CCDC192: variants seen among roughly 807,000 people sequenced by gnomAD.
CCDC192 encodes the protein coiled-coil domain-containing protein 192.
intron 3 of CCDC192, among the ~76,000 whole-genome samples, chr5:127,792,940 C>A (rs1207498523): frequency 2.0e-5 from 3 of 152,012 alleles, no homozygotes; most frequent in Non-Finnish European, 2.9e-5. Context: ...TATAAGCTGG[C>A]AGATAAAACA....
intron 5 of CCDC192, among the ~76,000 whole-genome samples, chr5:127,860,608 TAAAG>T (rs893514173): frequency 6.6e-6 from 1 of 152,064 alleles, no homozygotes; most frequent in African/African-American, 2.4e-5. Flanking sequence ...CACCAAGAAA[TAAAG>T]AGAGCTATTG....
chr5:127,770,075 T>C (rs1020015282), intron 3 of CCDC192, among the ~76,000 whole-genome samples: 7 of 152,296 alleles, frequency 4.6e-5, no homozygotes, highest in Middle Eastern at 3.4e-3. Context: ...CCCAGTTAAA[T>C]GAACCAATTT....
chr5:127,916,043 G>A (rs541353804), intron 6 of CCDC192, among the ~76,000 whole-genome samples: 18 of 152,250 alleles, frequency 1.2e-4, no homozygotes, highest in African/African-American at 4.3e-4. Context: ...AATTGAAGTC[G>A]GTCCTCTCAG....
At chr5:127,915,288 A>T (rs1300654828) in intron 6 of CCDC192, among the ~76,000 whole-genome samples, 4 of 152,228 alleles carry the variant, frequency 2.6e-5, no homozygotes, top group Non-Finnish European at 5.9e-5. Context: ...AGTCTTCAGC[A>T]AGTCCTAATC....
At chr5:127,733,177 A>G (rs1752742144) in intron 2 of CCDC192, among the ~76,000 whole-genome samples, 1 of 152,150 alleles carries the variant, frequency 6.6e-6, no homozygotes, top group African/African-American at 2.4e-5. Context: ...AACAAGGAGT[A>G]ACCAGGCTAG....
intron 2 of CCDC192, among the ~76,000 whole-genome samples, chr5:127,734,347 T>C (rs1752837529): frequency 6.6e-6 from 1 of 152,044 alleles, no homozygotes; most frequent in Admixed American, 6.6e-5. Flanking sequence ...TTGGGTTGGT[T>C]CCAAGTCTTT....
rs528343190 is a variant in CCDC192 at position 127,888,524 on chromosome 5, G to T, written c.535+12863G>T. On this transcript the variant is annotated intron_variant, in intron 6 of 6. Transcript: ENST00000514853. ...ATCAGGACCATGCTCCTGAATACTA[G>T]ATCTAGTATCACTATACTTCTAATT... Among the ~76,000 whole-genome samples, 3 of 152,036 alleles carry T rather than the reference G, an allele frequency of 2.0e-5. No homozygotes were observed. In the South Asian group the frequency reaches 6.2e-4, roughly 32 times the overall value.
Position 127,703,501 on chromosome 5 carries a change from G to C in CCDC192, c.56G>C (p.Arg19Thr), listed in dbSNP as rs1750792134. The C allele has an allele frequency of 5.0e-6, 2 of 398,846 alleles. No individual in the cohort carries two copies. The highest frequency in any genetic ancestry group is 4.4e-6 in the Non-Finnish European group (1 of 226,032). The allele number at this position is 398,846 out of a possible 1,614,324, so 24.7% of individuals were successfully genotyped here. Residue 19 changes from arginine (R) to threonine (T), a missense_variant, in exon 1 of 7, where the codon AGA (arginine) becomes ACA (threonine). Physicochemically the swap from Arg to Thr is moderately conservative, Grantham distance 71. Transcript: ENST00000514853. ...GTCCCAGAGTCTGACACCTCAGAGA[G>C]AAGCAGGTGAGTTCCCAGCTCCTCT... is the stretch of plus-strand genomic sequence containing the variant. Reference protein sequence around the residue: ...SVVPESDTSERSSMTSGSSES... With the variant: ...SVVPESDTSETSSMTSGSSES...
intron 5 of CCDC192, among the ~76,000 whole-genome samples, chr5:127,874,640 T>C (rs1030313758): frequency 2.0e-5 from 3 of 152,194 alleles, no homozygotes; most frequent in Non-Finnish European, 4.4e-5. Flanking sequence ...AAGATTTATG[T>C]CTGATAAGAA....
At chr5:127,875,419 G>C in intron 5 of CCDC192, 119 bp from the exon 6 acceptor site, 1 of 389,668 alleles carries the variant, frequency 2.6e-6, no homozygotes. Flanking sequence ...AGATAAACAG[G>C]GAGTGTTTCA....
intron 6 of CCDC192, among the ~76,000 whole-genome samples, chr5:127,914,387 G>T (rs1753458440): frequency 6.6e-6 from 1 of 152,066 alleles, no homozygotes; most frequent in South Asian, 2.1e-4. Context: ...TATGGTCTGG[G>T]ACAATATTCT....
chr5:127,806,666 G>A (rs776790659), intron 5 of CCDC192, among the ~76,000 whole-genome samples: 5 of 152,016 alleles, frequency 3.3e-5, no homozygotes, highest in Non-Finnish European at 5.9e-5. Context: ...CTGAAAAATC[G>A]GATGGGAACA....
At chr5:127,923,470 C>T (rs1054408945) in intron 6 of CCDC192, among the ~76,000 whole-genome samples, 15 of 151,870 alleles carry the variant, frequency 9.9e-5, no homozygotes, top group African/African-American at 1.9e-4. Flanking sequence ...CTCCGCCTCC[C>T]GGATTCACGC....
At chr5:127,810,456 A>G (rs1290166580) in intron 5 of CCDC192, among the ~76,000 whole-genome samples, 1 of 152,172 alleles carries the variant, frequency 6.6e-6, no homozygotes, top group Non-Finnish European at 1.5e-5. Context: ...CATTAATTAC[A>G]AGGAATGCTA....
At chr5:127,794,807 A>C (rs896107198) in intron 3 of CCDC192, among the ~76,000 whole-genome samples, 2 of 152,216 alleles carry the variant, frequency 1.3e-5, no homozygotes, top group African/African-American at 4.8e-5. Context: ...CATAACAAAC[A>C]GGATATGGGA....
At chr5:127,869,548 A>G (rs1561532065) in intron 5 of CCDC192, among the ~76,000 whole-genome samples, 1 of 152,210 alleles carries the variant, frequency 6.6e-6, no homozygotes, top group Non-Finnish European at 1.5e-5. Context: ...ACTGGAATTC[A>G]TCCCAAGTGT....
intron 5 of CCDC192, among the ~76,000 whole-genome samples, chr5:127,827,603 T>C (rs752593757): frequency 8.5e-5 from 13 of 152,212 alleles, no homozygotes; most frequent in African/African-American, 1.2e-4. Flanking sequence ...GTAAAAGAAT[T>C]GGGCGTGGTC....
At chr5:127,722,092 G>A (rs1188122802) in intron 2 of CCDC192, among the ~76,000 whole-genome samples, 1 of 152,108 alleles carries the variant, frequency 6.6e-6, no homozygotes, top group Non-Finnish European at 1.5e-5. Context: ...CAGTGTATGA[G>A]GGTTCCCTTT....
intron 5 of CCDC192, among the ~76,000 whole-genome samples, chr5:127,837,581 A>ACTG (rs1750080297): frequency 1.1e-4 from 2 of 18,108 alleles, no homozygotes; most frequent in Non-Finnish European, 1.6e-4. Flanking sequence ...ACCATATCAG[A>ACTG]ATGTAAACAC....
Sources: gnomAD v4.1 joint callset for allele counts (sites outside exome capture counted in the v4.1 genomes callset) on GRCh38, gnomAD v4.1.1 for gene constraint, MANE v1.5 for transcripts, NCBI Gene and HGNC (gene_info 2026-07-23, HGNC 2026-07-21) for gene names.